The following HMG20A variants were observed in gnomAD, a reference collection of about 807,000 sequenced individuals.
HMG20A encodes high mobility group protein 20A.
HMG20A carries 17 observed loss-of-function variants against 43.9 expected under a neutral mutation model. The ratio of observed to expected loss-of-function variants is 0.39; its 90% CI spans 0.27 to 0.58. HMG20A has a LOEUF of 0.58. HMG20A is among the 20% of genes least tolerant of loss of function. The probability of loss-of-function intolerance (pLI) is 0.59; values close to 1 mark genes in which losing one functional copy is unlikely to be tolerated. For missense variants in HMG20A, 341 were observed against 438.2 expected (o/e 0.78, Z 1.98); for synonymous variants, 132 against 147.5 (o/e 0.89, Z 0.76).
intron 3 of HMG20A, among the ~76,000 whole-genome samples, chr15:77,465,276 A>G (rs887560279): frequency 2.7e-5 from 4 of 149,960 alleles, no homozygotes; most frequent in African/African-American, 7.4e-5. Flanking sequence ...AAAAAAAAAA[A>G]AAAAAAAAAG....
intron 1 of HMG20A, among the ~76,000 whole-genome samples, chr15:77,455,814 G>C (rs929407682): frequency 6.6e-6 from 1 of 152,166 alleles, no homozygotes; most frequent in Non-Finnish European, 1.5e-5. Flanking sequence ...CTTGGTAGCC[G>C]TGATTCCTTT....
At chr15:77,500,816 G>A in the HMG20A span, among the ~76,000 whole-genome samples, 1 of 151,898 alleles carries the variant, frequency 6.6e-6, no homozygotes, top group Non-Finnish European at 1.5e-5. Flanking sequence ...GGATCCACCT[G>A]CCTTGGCCTC....
chr15:77,516,859 C>T, the HMG20A span, among the ~76,000 whole-genome samples: 9 of 151,758 alleles, frequency 5.9e-5, no homozygotes, highest in South Asian at 4.2e-4. Flanking sequence ...TAAGGGTGTG[C>T]GACACTAAAT....
chr15:77,434,489 G>A (rs1008942737), intron 1 of HMG20A, among the ~76,000 whole-genome samples: 1 of 152,062 alleles, frequency 6.6e-6, no homozygotes, highest in Non-Finnish European at 1.5e-5. Context: ...TGTAATACAT[G>A]TATTCAACAA....
intron 2 of HMG20A, among the ~76,000 whole-genome samples, chr15:77,463,688 G>T (rs2072726708): frequency 6.6e-6 from 1 of 152,152 alleles, no homozygotes; most frequent in African/African-American, 2.4e-5. Flanking sequence ...TTATTAACAT[G>T]TATACCTGAA....
chr15:77,515,377 G>GT, the HMG20A span, among the ~76,000 whole-genome samples: 1,664 of 151,424 alleles, frequency 0.011, 20 homozygotes, highest in African/African-American at 0.033. Context: ...GAAATCTGCT[G>GT]TTTTTTTTAA....
chr15:77,436,559 A>G (rs1218640679), intron 1 of HMG20A, among the ~76,000 whole-genome samples: 1 of 151,918 alleles, frequency 6.6e-6, no homozygotes, highest in Non-Finnish European at 1.5e-5. Flanking sequence ...CCCAGGTTCA[A>G]GCAATTCTCC....
the HMG20A span, among the ~76,000 whole-genome samples, chr15:77,494,054 G>A: frequency 3.3e-4 from 51 of 152,270 alleles, no homozygotes; most frequent in African/African-American, 1.0e-3. Context: ...TGCTCTGAAG[G>A]CAGATAGTCA....
chr15:77,498,193 A>G, the HMG20A span, among the ~76,000 whole-genome samples: 2 of 152,162 alleles, frequency 1.3e-5, no homozygotes, highest in African/African-American at 4.8e-5. Context: ...TACCTTCCAG[A>G]AAGACTTCAT....
At chr15:77,465,260 C>CAAAAAAA (rs71145837) in intron 3 of HMG20A, among the ~76,000 whole-genome samples, 1 of 59,186 alleles carries the variant, frequency 1.7e-5, no homozygotes, top group Admixed American at 2.3e-4. Flanking sequence ...GACTTCGTCT[C>CAAAAAAA]AAAAAAAAAA....
chr15:77,507,944 G>T, the HMG20A span, among the ~76,000 whole-genome samples: 7 of 151,756 alleles, frequency 4.6e-5, no homozygotes, highest in Admixed American at 6.6e-5. Flanking sequence ...TCTTGTCTTT[G>T]GGGGGGCCCA....
intron 6 of HMG20A, among the ~76,000 whole-genome samples, chr15:77,475,135 T>C (rs1176221433): frequency 2.0e-5 from 3 of 151,972 alleles, no homozygotes; most frequent in African/African-American, 7.3e-5. Flanking sequence ...GGTAATCAGA[T>C]CCTTATGATT....
At chr15:77,439,270 C>T (rs780662478) in intron 1 of HMG20A, among the ~76,000 whole-genome samples, 4 of 152,132 alleles carry the variant, frequency 2.6e-5, no homozygotes, top group African/African-American at 9.7e-5. Context: ...ACCAATGCTG[C>T]TTTTTTTCTT....
intron 1 of HMG20A, among the ~76,000 whole-genome samples, chr15:77,433,211 G>A (rs2073507003): frequency 6.6e-6 from 1 of 151,998 alleles, no homozygotes; most frequent in African/African-American, 2.4e-5. Flanking sequence ...AACCGGGCAT[G>A]ATAGCGTGCA....
the HMG20A span, among the ~76,000 whole-genome samples, chr15:77,515,409 A>ATATTTGTTTATT: frequency 6.6e-6 from 1 of 150,854 alleles, no homozygotes; most frequent in Non-Finnish European, 1.5e-5. Context: ...TTATTTTTAA[A>ATATTTGTTTATT]TATTTATTTA....
chr15:77,501,622 C>G, the HMG20A span, among the ~76,000 whole-genome samples: 2 of 152,216 alleles, frequency 1.3e-5, no homozygotes, highest in African/African-American at 4.8e-5. Flanking sequence ...ATCTTCAGCT[C>G]TCAGCTCTAG....
intron 1 of HMG20A, among the ~76,000 whole-genome samples, chr15:77,446,482 C>G (rs2073675322): frequency 6.6e-6 from 1 of 152,080 alleles, no homozygotes; most frequent in South Asian, 2.1e-4. Context: ...CTGATATACC[C>G]TGCATGTGAA....
Position 77,464,202 on chromosome 15 carries a change from G to T in HMG20A, c.90-38G>T. 3.1e-6 allele frequency: 5 copies of T among 1,604,852 alleles called. No individual in the cohort carries two copies. The South Asian group carries it at 4.4e-5, about 14-fold the overall frequency. The stretch of plus-strand genomic sequence containing the variant: ...TATCTAGAACCTTAGTAAATAGGTG[G>T]AGTTTTTGTGTTGTTGATACTTCTG... On this transcript the variant is annotated intron_variant, in intron 2 of 9. Transcript: ENST00000336216.
intron 5 of HMG20A, 54 bp downstream of exon 5, chr15:77,471,096 C>G (rs2072804144): frequency 1.3e-6 from 2 of 1,559,686 alleles, no homozygotes; most frequent in Non-Finnish European, 8.7e-7. Flanking sequence ...GATGGAGTGT[C>G]ATAAAGCCAA....
Sources: allele counts gnomAD v4.1 joint callset (sites outside exome capture counted in the v4.1 genomes callset), GRCh38; gene constraint gnomAD v4.1.1; transcripts MANE v1.5; gene names NCBI Gene and HGNC (gene_info 2026-07-23, HGNC 2026-07-21).